The following FGD6 variants were observed in gnomAD, a reference collection of about 807,000 sequenced individuals.
FGD6 encodes FYVE, RhoGEF and PH domain-containing protein 6.
FGD6 carries 90 observed loss-of-function variants against 149.4 expected under a neutral mutation model. That is an observed-to-expected ratio of 0.60 (90% CI 0.51 to 0.72). The LOEUF (loss-of-function observed/expected upper bound fraction) is 0.72. Among genes scored for constraint, FGD6 ranks in the 30% least tolerant of loss-of-function variants. The pLI is 0.00. For synonymous variants in FGD6, 527 were observed against 584.0 expected, an observed-to-expected ratio of 0.90 and a Z score of 1.41; for missense variants, 1,437 against 1,684.8, an observed-to-expected ratio of 0.85 and a Z score of 2.57.
At chr12:95,123,342 A>G (rs1466673777) in intron 8 of FGD6, among the ~76,000 whole-genome samples, 1 of 152,030 alleles carries the variant, frequency 6.6e-6, no homozygotes, top group Non-Finnish European at 1.5e-5. Flanking sequence ...AGAATTATGT[A>G]AGGAAGCCCT....
At chr12:95,148,282 C>CA (rs10713490) in intron 5 of FGD6, among the ~76,000 whole-genome samples, 15 of 139,076 alleles carry the variant, frequency 1.1e-4, no homozygotes, top group Middle Eastern at 6.6e-3. Flanking sequence ...TTTTACAATG[C>CA]AAAAAAAAAA....
At chr12:95,093,795 G>A (rs1170532270) in intron 15 of FGD6, among the ~76,000 whole-genome samples, 1 of 151,698 alleles carries the variant, frequency 6.6e-6, no homozygotes, top group African/African-American at 2.4e-5. Context: ...GTTGCAGTGA[G>A]CCGAGATTGC....
intron 8 of FGD6, among the ~76,000 whole-genome samples, chr12:95,132,103 A>C (rs913066851): frequency 9.9e-5 from 15 of 152,216 alleles, no homozygotes; most frequent in African/African-American, 3.6e-4. Context: ...GGTAGCTCAA[A>C]CTAAAAATAA....
At chr12:95,129,982 T>A (rs7974889) in intron 8 of FGD6, among the ~76,000 whole-genome samples, 2 of 152,252 alleles carry the variant, frequency 1.3e-5, no homozygotes, top group East Asian at 3.9e-4. Context: ...CCAAAATTTA[T>A]AAATATTTAG....
intron 1 of FGD6, among the ~76,000 whole-genome samples, chr12:95,213,229 C>T (rs75601809): frequency 0.046 from 7,044 of 152,216 alleles, 234 homozygotes; most frequent in Middle Eastern, 0.13. Flanking sequence ...GATTTTATTT[C>T]TGTAACCATT....
chr12:95,112,064 T>C, intron 9 of FGD6, among the ~76,000 whole-genome samples: 1 of 151,594 alleles, frequency 6.6e-6, no homozygotes, highest in East Asian at 2.0e-4. Context: ...TGAAACCCTG[T>C]CTCTACAAAA....
chr12:95,156,931 G>T (rs963174382), intron 3 of FGD6, among the ~76,000 whole-genome samples: 2 of 152,138 alleles, frequency 1.3e-5, no homozygotes, highest in African/African-American at 4.8e-5. Context: ...AAAGAACCCA[G>T]ATTTCCCAAT....
intron 1 of FGD6, among the ~76,000 whole-genome samples, chr12:95,213,317 G>A (rs1169697228): frequency 6.6e-6 from 1 of 152,106 alleles, no homozygotes; most frequent in Non-Finnish European, 1.5e-5. Flanking sequence ...AGTGGCTCAT[G>A]CCTGTAATCC....
intron 5 of FGD6, among the ~76,000 whole-genome samples, chr12:95,149,112 C>CATATATTATATAATATATAGCATATATT (rs1565908665): frequency 0.082 from 289 of 3,532 alleles, 121 homozygotes; most frequent in Admixed American, 0.15. Context: ...TAAGATATAG[C>CATATATTATATAATATATAGCATATATT]ATATATTATA....
intron 20 of FGD6, 112 bp from the exon 21 acceptor site, chr12:95,081,668 G>GAT (rs76750575): frequency 0.06 from 20,846 of 347,352 alleles, 777 homozygotes; most frequent in African/African-American, 0.13. Flanking sequence ...ACATAGGTAA[G>GAT]ATATATATAT....
intron 15 of FGD6, among the ~76,000 whole-genome samples, chr12:95,093,285 C>T (rs963428808): frequency 3.3e-5 from 5 of 152,062 alleles, no homozygotes; most frequent in South Asian, 2.1e-4. Context: ...TGGTGGCTCA[C>T]GCCTGTAGTC....
At chr12:95,198,194 A>G (rs2136297682) in intron 2 of FGD6, among the ~76,000 whole-genome samples, 1 of 152,248 alleles carries the variant, frequency 6.6e-6, no homozygotes, top group Admixed American at 6.5e-5. Flanking sequence ...CAACATCAAC[A>G]TGTTCTGATT....
intron 8 of FGD6, among the ~76,000 whole-genome samples, chr12:95,114,298 G>T (rs139934371): frequency 1.3e-5 from 2 of 152,170 alleles, no homozygotes; most frequent in East Asian, 3.9e-4. Flanking sequence ...GCTACTGGTG[G>T]CTAGTGGTTA....
At position 95,209,029 on chromosome 12, in the gene FGD6, C is replaced by A. The variant is rs117209224; in HGVS notation, c.2255G>T (p.Arg752Leu). Residue 752 changes from arginine (R) to leucine (L), a missense_variant, in exon 2 of 21, where the codon CGC (arginine) becomes CTC (leucine). Arg to Leu is a moderately radical substitution (Grantham distance 102). This residue lies in a region of FGD6 where 1,055 missense variants were observed against 1,146.0 expected (regional missense o/e 0.92). Coordinates refer to ENST00000343958, the MANE Select transcript of FGD6 (RefSeq NM_018351.4). The stretch of plus-strand genomic sequence containing the variant: ...GTACTCTGGTATTTCCTCATAATGG[C>A]GTATATTTTCATACTCCGGTGCACA... ...SLCAPEYENI[R>L]HYEEIPEYEN... 0.011 allele frequency: 17,207 copies of A among 1,614,084 alleles called. 113 individuals are homozygous for A. Among genetic ancestry groups the A allele is most frequent in the Non-Finnish European group, 0.013 (14,774 of 1,180,018 alleles).
chr12:95,125,961 G>C, intron 8 of FGD6: 1 of 1,428,636 alleles, frequency 7.0e-7, no homozygotes. Context: ...TCCATACAGT[G>C]CCCACCAGAA....
At chr12:95,206,972 T>C (rs1291321485) in intron 2 of FGD6, among the ~76,000 whole-genome samples, 3 of 152,058 alleles carry the variant, frequency 2.0e-5, no homozygotes, top group Non-Finnish European at 2.9e-5. Context: ...GACAATTTTA[T>C]TTATTCAATT....
At chr12:95,121,077 A>T (rs948984781) in intron 8 of FGD6, among the ~76,000 whole-genome samples, 1 of 152,066 alleles carries the variant, frequency 6.6e-6, no homozygotes, top group African/African-American at 2.4e-5. Context: ...TAATATTTTA[A>T]TGTTATTATA....
At chr12:95,130,239 G>A (rs543155061) in intron 8 of FGD6, among the ~76,000 whole-genome samples, 2 of 152,158 alleles carry the variant, frequency 1.3e-5, no homozygotes, top group Admixed American at 1.3e-4. Flanking sequence ...GGGGATTTCC[G>A]CTGATCTTTT....
At chr12:95,183,531 T>G (rs2136289294) in intron 2 of FGD6, among the ~76,000 whole-genome samples, 1 of 152,222 alleles carries the variant, frequency 6.6e-6, no homozygotes, top group African/African-American at 2.4e-5. Context: ...CCTCCCTCAC[T>G]AACGGGGTGA....
Sources: allele counts gnomAD v4.1 joint callset (sites outside exome capture counted in the v4.1 genomes callset), GRCh38; gene constraint gnomAD v4.1.1; regional missense constraint gnomAD v4.1.1; transcripts MANE v1.5; gene names NCBI Gene and HGNC (gene_info 2026-07-23, HGNC 2026-07-21).